Variants in NFIA observed in about 807,000 individuals in gnomAD.
NFIA encodes the protein nuclear factor 1 A-type.
In NFIA, 8 loss-of-function variants were observed where a neutral mutation model predicts 62.8. The observed-to-expected ratio is 0.13, with a 90% CI of 0.07 to 0.23. The LOEUF (loss-of-function observed/expected upper bound fraction) is 0.23, where lower values mean the gene tolerates loss of function less well. NFIA is among the 10% of genes least tolerant of loss of function. The probability of loss-of-function intolerance (pLI) is 1.00; values close to 1 mark genes in which losing one functional copy is unlikely to be tolerated. For missense variants in NFIA, 410 were observed against 642.1 expected, an observed-to-expected ratio of 0.64 and a Z score of 3.91; for synonymous variants, 235 against 238.1, an observed-to-expected ratio of 0.99 and a Z score of 0.12.
intron 6 of NFIA, among the ~76,000 whole-genome samples, chr1:61,365,063 C>G (rs529922163): frequency 6.6e-6 from 1 of 152,070 alleles, no homozygotes; most frequent in Non-Finnish European, 1.5e-5. Flanking sequence ...GGTGTGTGCC[C>G]GTAGTCCCAG....
Position 61,455,800 on chromosome 1 carries a change from A to T in NFIA, c.*480A>T, listed in dbSNP as rs561518316. 3.0e-5 allele frequency: 5 copies of T among 165,242 alleles called. No individual in the cohort carries two copies. The highest frequency in any genetic ancestry group is 1.2e-4 in the African/African-American group (5 of 41,986). 10.2% of individuals were successfully genotyped at this position (165,242 alleles called of 1,614,324 possible). A position where few individuals can be genotyped will look rare whatever the true frequency, so the allele number is the denominator to read the frequency against. ...TCTTTTGTAGTAGCTGAGATCTGCA[A>T]TATATAACGGGACAGTCAAAGGGCA... On this transcript the variant is annotated 3_prime_UTR_variant, in exon 11 of 11. Coordinates refer to ENST00000403491, the MANE Select transcript of NFIA (RefSeq NM_001134673.4).
intron 2 of NFIA, among the ~76,000 whole-genome samples, chr1:61,169,495 C>A (rs1026841393): frequency 6.6e-6 from 1 of 152,158 alleles, no homozygotes; most frequent in South Asian, 2.1e-4. Flanking sequence ...TTATGGACAC[C>A]CCCAACCAAA....
At chr1:61,319,404 G>A (rs1333476933) in intron 3 of NFIA, among the ~76,000 whole-genome samples, 1 of 152,052 alleles carries the variant, frequency 6.6e-6, no homozygotes, top group Non-Finnish European at 1.5e-5. Flanking sequence ...TCATTTCTGT[G>A]TTCATTCATC....
chr1:61,103,022 TG>T (rs1317180357), intron 2 of NFIA, among the ~76,000 whole-genome samples: 1 of 152,214 alleles, frequency 6.6e-6, no homozygotes, highest in Non-Finnish European at 1.5e-5. Context: ...TGTTCTTATT[TG>T]TAATCAAAAC....
intron 4 of NFIA, among the ~76,000 whole-genome samples, chr1:61,342,914 A>G (rs1662006868): frequency 6.6e-6 from 1 of 152,244 alleles, no homozygotes; most frequent in Non-Finnish European, 1.5e-5. Flanking sequence ...TCATTTCTAA[A>G]TGAGAATAAT....
chr1:61,112,473 T>A lies in NFIA; in HGVS notation c.559+23793T>A, dbSNP rs60096412. Among the ~76,000 whole-genome samples, 1,755 of 152,310 alleles carry A rather than the reference T, an allele frequency of 0.012. 106 individuals are homozygous for A. In the East Asian group the frequency reaches 0.18, roughly 16 times the overall value. On this transcript the variant is annotated intron_variant, in intron 2 of 10. Transcript: ENST00000403491. ...TGTGCATTTGCACACATAAGAGTTT[T>A]AAGCTGCTCCTGTCATTTATTGATG... is the stretch of plus-strand genomic sequence containing the variant.
chr1:61,352,599 T>C (rs530185513), intron 5 of NFIA, 32 bp downstream of exon 5: 24 of 1,499,096 alleles, frequency 1.6e-5, no homozygotes, highest in Non-Finnish European at 2.0e-5. Context: ...GAAGAAATTA[T>C]GCTACATGGT....
At chr1:61,302,244 A>G (rs1451122056) in intron 3 of NFIA, among the ~76,000 whole-genome samples, 4 of 152,200 alleles carry the variant, frequency 2.6e-5, no homozygotes, top group African/African-American at 9.7e-5. Context: ...TAGAACCTAT[A>G]TGGAATGCAG....
chr1:61,188,263 A>G (rs1651352350), intron 2 of NFIA, among the ~76,000 whole-genome samples: 1 of 151,872 alleles, frequency 6.6e-6, no homozygotes, highest in Admixed American at 6.6e-5. Flanking sequence ...CCAGCCTGGT[A>G]GTTTTCTTAC....
chr1:61,265,244 G>A (rs1025205812), intron 2 of NFIA, among the ~76,000 whole-genome samples: 1 of 152,120 alleles, frequency 6.6e-6, no homozygotes, highest in Non-Finnish European at 1.5e-5. Flanking sequence ...AACATCCAAA[G>A]CACTCGAGAT....
intron 10 of NFIA, among the ~76,000 whole-genome samples, chr1:61,440,443 A>C (rs913179657): frequency 6.6e-5 from 10 of 152,356 alleles, no homozygotes; most frequent in African/African-American, 2.4e-4. Flanking sequence ...GAGATGCAGG[A>C]TCATGGATGA....
chr1:61,436,906 A>G (rs1435023673), intron 10 of NFIA, among the ~76,000 whole-genome samples: 2 of 152,174 alleles, frequency 1.3e-5, no homozygotes, highest in Non-Finnish European at 2.9e-5. Context: ...CATTTAACTA[A>G]TGAGTCACAT....
At chr1:61,159,288 G>A (rs1649015214) in intron 2 of NFIA, among the ~76,000 whole-genome samples, 1 of 152,132 alleles carries the variant, frequency 6.6e-6, no homozygotes, top group Non-Finnish European at 1.5e-5. Context: ...AGTTTTCAGA[G>A]AGTGAGAGAA....
At chr1:61,335,173 G>A (rs986642684) in intron 4 of NFIA, among the ~76,000 whole-genome samples, 1 of 152,162 alleles carries the variant, frequency 6.6e-6, no homozygotes, top group Non-Finnish European at 1.5e-5. Flanking sequence ...ACATGGCCTC[G>A]TGCTGACGGA....
intron 6 of NFIA, among the ~76,000 whole-genome samples, chr1:61,372,577 A>T (rs558167901): frequency 0.014 from 988 of 71,330 alleles, 4 homozygotes; most frequent in Non-Finnish European, 0.023. Flanking sequence ...CATTGTTGTT[A>T]AAAAAAAAAA....
chr1:61,188,605 G>A (rs897432109), intron 2 of NFIA, among the ~76,000 whole-genome samples: 7 of 152,252 alleles, frequency 4.6e-5, no homozygotes, highest in South Asian at 2.1e-4. Context: ...CTATTGTGTC[G>A]TCATCGACAT....
chr1:61,273,659 C>T (rs929258256), intron 2 of NFIA, among the ~76,000 whole-genome samples: 2 of 152,204 alleles, frequency 1.3e-5, no homozygotes. Context: ...TGGAAAGTAC[C>T]GGGGATAAGA....
At chr1:61,389,298 A>G (rs886267489) in intron 7 of NFIA, among the ~76,000 whole-genome samples, 37 of 152,178 alleles carry the variant, frequency 2.4e-4, no homozygotes, top group African/African-American at 8.4e-4. Context: ...GGTGAAGGCA[A>G]AAAGGACCTG....
At chr1:61,316,589 C>G (rs1355933588) in intron 3 of NFIA, among the ~76,000 whole-genome samples, 2 of 152,120 alleles carry the variant, frequency 1.3e-5, no homozygotes, top group Non-Finnish European at 1.5e-5. Flanking sequence ...TGATTCCCCT[C>G]CGAATGCTGA....
Sources: allele counts gnomAD v4.1 joint callset (sites outside exome capture counted in the v4.1 genomes callset), GRCh38; gene constraint gnomAD v4.1.1; transcripts MANE v1.5; gene names NCBI Gene and HGNC (gene_info 2026-07-23, HGNC 2026-07-21).